The following SLAMF1 variants were observed in gnomAD, a reference collection of about 807,000 sequenced individuals.
SLAMF1 encodes signaling lymphocytic activation molecule family member 1, also known as signaling lymphocytic activation molecule.
Under a neutral mutation model 35.1 loss-of-function variants are expected in SLAMF1, and 18 were observed. That is an observed-to-expected ratio of 0.51 (90% confidence interval 0.35 to 0.76). The LOEUF (loss-of-function observed/expected upper bound fraction) is 0.76, where lower values mean the gene tolerates loss of function less well. Ranked by LOEUF, SLAMF1 falls within the 30% of genes least tolerant of loss-of-function variation. The pLI is 0.01. For synonymous variants in SLAMF1, 168 were observed against 157.2 expected (o/e 1.07, Z -0.51); for missense variants, 392 against 413.0 (o/e 0.95, Z 0.44).
intron 1 of SLAMF1, among the ~76,000 whole-genome samples, chr1:160,640,386 A>G (rs2102357929): frequency 6.8e-6 from 1 of 147,734 alleles, no homozygotes; most frequent in South Asian, 2.1e-4. Context: ...ATATATATAT[A>G]TACACACACA....
Position 160,609,845 on chromosome 1 carries a change from A to G in SLAMF1, c.*903T>C. 1 of 157,890 alleles carries G rather than the reference A, an allele frequency of 6.3e-6. No individual in the cohort carries two copies. The highest frequency in any genetic ancestry group is 1.4e-5 in the Non-Finnish European group (1 of 71,780). The allele number at this position is 157,890 out of a possible 1,614,324, so 9.8% of individuals were successfully genotyped here. A position where few individuals can be genotyped will look rare whatever the true frequency, so the allele number is the denominator to read the frequency against. On this transcript the variant is annotated 3_prime_UTR_variant, in exon 7 of 7. Transcript: ENST00000302035. ...AAGCCCTGGATATAAGAGGTTCAGAATCTGGTCACAGAGAGTCTTAGCTGA... is the reference window on the plus strand; with the variant it reads ...AAGCCCTGGATATAAGAGGTTCAGAGTCTGGTCACAGAGAGTCTTAGCTGA...
chr1:160,610,770 C>A lies in SLAMF1; in HGVS notation c.986G>T (p.Ser329Ile), dbSNP rs1472431167. ...GTGTCAGCTCTCTGGAAGTGTCACACTAGCATAGACTGTGATGGAATTTGT... is the reference window on the plus strand; with the variant it reads ...GTGTCAGCTCTCTGGAAGTGTCACAATAGCATAGACTGTGATGGAATTTGT... ...QETNSITVYA[S>I]VTLPES The change falls in exon 7 of 7, where the codon AGT becomes ATT. Residue 329 changes from serine (S) to isoleucine (I), a missense_variant. Coordinates refer to ENST00000302035, the MANE Select transcript of SLAMF1 (RefSeq NM_003037.5). The A allele has an allele frequency of 6.2e-7, 1 of 1,613,054 alleles. No individual in the cohort carries two copies. Among genetic ancestry groups the A allele is most frequent in the Non-Finnish European group, 8.5e-7 (1 of 1,179,018 alleles).
intron 3 of SLAMF1, among the ~76,000 whole-genome samples, chr1:160,625,198 G>A (rs1054211528): frequency 6.6e-6 from 1 of 152,138 alleles, no homozygotes; most frequent in Non-Finnish European, 1.5e-5. Flanking sequence ...ATGAACAGTG[G>A]GGACCGAGCT....
Position 160,610,361 on chromosome 1 carries a change from G to A in SLAMF1, c.*387C>T, listed in dbSNP as rs1477442836. On this transcript the variant is annotated 3_prime_UTR_variant, in exon 7 of 7. Coordinates refer to ENST00000302035, the MANE Select transcript of SLAMF1 (RefSeq NM_003037.5). ...AACTTTTCCAGACTTTGTGACTGGTGGTCCAGTGTGTGAGATAGGTACTCA... is the reference window on the plus strand; with the variant it reads ...AACTTTTCCAGACTTTGTGACTGGTAGTCCAGTGTGTGAGATAGGTACTCA... 1 of 460,796 alleles carries A rather than the reference G, an allele frequency of 2.2e-6. No individual in the cohort carries two copies. The highest frequency in any genetic ancestry group is 4.4e-6 in the Non-Finnish European group (1 of 229,620). The allele number at this position is 460,796 out of a possible 1,614,324, so 28.5% of individuals were successfully genotyped here. A position where few individuals can be genotyped will look rare whatever the true frequency, so the allele number is the denominator to read the frequency against.
intron 3 of SLAMF1, among the ~76,000 whole-genome samples, chr1:160,631,206 A>G (rs75550627): frequency 0.017 from 2,572 of 152,332 alleles, 71 homozygotes; most frequent in African/African-American, 0.059. Context: ...CAAGGTACTG[A>G]TACAATTCTG....
chr1:160,623,438 C>G (rs971492219), intron 4 of SLAMF1: 1 of 397,606 alleles, frequency 2.5e-6, no homozygotes, highest in African/African-American at 2.1e-5. Context: ...GTAGATGACA[C>G]TGATCTACTT....
In SLAMF1 at chr1:160,637,240, C is replaced by T. The variant is rs532970288; in HGVS notation, c.366G>A (p.Leu122=). The T allele has an allele frequency of 8.1e-6, 13 of 1,614,106 alleles. No homozygotes were observed. Among genetic ancestry groups the T allele is most frequent in the African/African-American group, 4.0e-5 (3 of 75,010 alleles). ...KEDEGWYLMT[L]EKNVSVQRFC... ...AGCGCTGAACTGAAACATTTTTCTC[C>T]AGGGTCATAAGGTACCATCCCTCAT... The change falls in exon 2 of 7, where the codon CTG becomes CTA. Residue 122 remains leucine, a synonymous_variant. Coordinates refer to ENST00000302035, the MANE Select transcript of SLAMF1 (RefSeq NM_003037.5).
At chr1:160,611,096 A>G (rs781242686) in intron 6 of SLAMF1, among the ~76,000 whole-genome samples, 5 of 152,198 alleles carry the variant, frequency 3.3e-5, no homozygotes, top group Non-Finnish European at 5.9e-5. Flanking sequence ...ATCCCCTTGT[A>G]AGGAAAACCA....
chr1:160,608,965 G>A lies in SLAMF1; in HGVS notation c.*1783C>T, dbSNP rs992510555. 1.3e-5 allele frequency: 2 copies of A among 152,164 alleles called. No homozygotes were observed. The highest frequency in any genetic ancestry group is 2.9e-5 in the Non-Finnish European group (2 of 68,030). 9.4% of individuals were successfully genotyped at this position (152,164 alleles called of 1,614,324 possible). A position where few individuals can be genotyped will look rare whatever the true frequency, so the allele number is the denominator to read the frequency against. ...CAATTCCCAGCCCCCCTTGGAGATAGGACATGGACATGTGACCTAGGATTG... is the reference window on the plus strand; with the variant it reads ...CAATTCCCAGCCCCCCTTGGAGATAAGACATGGACATGTGACCTAGGATTG... On this transcript the variant is annotated 3_prime_UTR_variant, in exon 7 of 7. Coordinates refer to ENST00000302035, the MANE Select transcript of SLAMF1 (RefSeq NM_003037.5).
chr1:160,627,415 G>A (rs921689111), intron 3 of SLAMF1, among the ~76,000 whole-genome samples: 1 of 152,096 alleles, frequency 6.6e-6, no homozygotes, highest in Non-Finnish European at 1.5e-5. Context: ...GTAAATTCTT[G>A]TTGATTGATT....
intron 1 of SLAMF1, among the ~76,000 whole-genome samples, chr1:160,646,635 GC>G (rs1266996142): frequency 6.6e-6 from 1 of 152,194 alleles, no homozygotes; most frequent in Non-Finnish European, 1.5e-5. Flanking sequence ...TTGGCTTAGA[GC>G]CCCTCATTTC....
rs750388158 is a variant in SLAMF1, at chr1:160,637,303, C to T, written c.303G>A (p.Glu101=). 3.7e-6 allele frequency: 6 copies of T among 1,613,888 alleles called. No homozygotes were observed. Among genetic ancestry groups the T allele is most frequent in the Non-Finnish European group, 5.1e-6 (6 of 1,179,786 alleles). The change falls in exon 2 of 7, where the codon GAG becomes GAA. Residue 101 remains glutamate (E), a synonymous_variant. Transcript: ENST00000302035. ...YLGDRYKFYL[E]NLTLGIRESR... is the part of the protein sequence containing the mutation. ...TTTCCCGTATCCCCAGGGTGAGATT[C>T]TCCAGATAAAACTTGTAGCGATCTC...
rs758440326 is a variant in SLAMF1, at chr1:160,634,768, G to C, written c.545C>G (p.Thr182Ser). The C allele has an allele frequency of 1.9e-6, 3 of 1,614,170 alleles. No homozygotes were observed. In the South Asian group the frequency reaches 3.3e-5, roughly 18 times the overall value. ...GCTGTTGGCTGGGTTCAGTGGGTGG[G>C]TGCCCGCCTTTTCACTCCAGCTGTA... ...VAYSWSEKAG[T>S]HPLNPANSSH... The change falls in exon 3 of 7, where the codon ACC becomes AGC. Residue 182 changes from threonine (T) to serine (S), a missense_variant. By Grantham distance (58) the Thr-to-Ser change is moderately conservative (BLOSUM62 1). Coordinates refer to ENST00000302035, the MANE Select transcript of SLAMF1 (RefSeq NM_003037.5).
intron 1 of SLAMF1, among the ~76,000 whole-genome samples, chr1:160,644,919 C>A (rs1036487678): frequency 6.6e-6 from 1 of 152,110 alleles, no homozygotes; most frequent in East Asian, 1.9e-4. Flanking sequence ...AAAAAAAACT[C>A]ATTGACATAA....
chr1:160,645,705 C>T (rs545154078), intron 1 of SLAMF1, among the ~76,000 whole-genome samples: 11 of 152,296 alleles, frequency 7.2e-5, no homozygotes, highest in African/African-American at 2.6e-4. Flanking sequence ...GAGCCCCGAG[C>T]TCAGTTCTTC....
chr1:160,634,750 G>C lies in SLAMF1; in HGVS notation c.563C>G (p.Ala188Gly), dbSNP rs754224461. ...EKAGTHPLNP[A>G]NSSHLLSLTL... ...GAGGGACAGGAGGTGGGAGCTGTTG[G>C]CTGGGTTCAGTGGGTGGGTGCCCGC... Residue 188 changes from alanine to glycine, a missense_variant, in exon 3 of 7, where the codon GCC becomes GGC. Coordinates refer to ENST00000302035, the MANE Select transcript of SLAMF1 (RefSeq NM_003037.5). 1 of 1,614,156 alleles carries C rather than the reference G, an allele frequency of 6.2e-7. No individual in the cohort carries two copies. Among genetic ancestry groups the C allele is most frequent in the Non-Finnish European group, 8.5e-7 (1 of 1,180,020 alleles).
intron 1 of SLAMF1, among the ~76,000 whole-genome samples, chr1:160,637,744 G>C (rs1214464850): frequency 6.6e-6 from 1 of 152,150 alleles, no homozygotes; most frequent in African/African-American, 2.4e-5. Context: ...AAATTACTTA[G>C]GATAGAGTTG....
intron 5 of SLAMF1, among the ~76,000 whole-genome samples, chr1:160,614,028 G>T (rs1319395967): frequency 6.6e-6 from 1 of 152,122 alleles, no homozygotes; most frequent in Admixed American, 6.5e-5. Context: ...TCTGGAGCAG[G>T]GCCTGATTCT....
intron 6 of SLAMF1, among the ~76,000 whole-genome samples, chr1:160,611,093 T>C (rs1658958138): frequency 6.6e-6 from 1 of 152,200 alleles, no homozygotes; most frequent in South Asian, 2.1e-4. Flanking sequence ...TCCATCCCCT[T>C]GTAAGGAAAA....
Sources: gnomAD v4.1 joint callset for allele counts (sites outside exome capture counted in the v4.1 genomes callset) on GRCh38, gnomAD v4.1.1 for gene constraint, MANE v1.5 for transcripts, NCBI Gene and HGNC (gene_info 2026-07-23, HGNC 2026-07-21) for gene names.